Variants in ABI1 observed in about 807,000 individuals in gnomAD.
ABI1 encodes the protein Abelson interactor 1.
In ABI1, 14 loss-of-function variants were observed where a neutral mutation model predicts 54.6. The observed-to-expected ratio is 0.26, with a 90% CI of 0.17 to 0.40. ABI1 has a LOEUF of 0.40. ABI1 is among the 10% of genes least tolerant of loss of function. The probability of loss-of-function intolerance (pLI) is 1.00; values close to 1 mark genes in which losing one functional copy is unlikely to be tolerated. For missense variants in ABI1, 443 were observed against 598.3 expected (o/e 0.74, Z 2.71); for synonymous variants, 194 against 209.3 (o/e 0.93, Z 0.63).
intron 2 of ABI1, among the ~76,000 whole-genome samples, chr10:26,782,314 G>A (rs1303749274): frequency 4.0e-5 from 6 of 151,856 alleles, no homozygotes; most frequent in South Asian, 2.1e-4. Context: ...ATCTTATATC[G>A]CTTAGTACTG....
chr10:26,846,436 A>G (rs10829104), intron 1 of ABI1, among the ~76,000 whole-genome samples: 48,622 of 149,626 alleles, frequency 0.32, 8,378 homozygotes, highest in East Asian at 0.54. Flanking sequence ...TCCGCCTCCC[A>G]GGTTCAAGTG....
intron 7 of ABI1, 49 bp from the exon 8 acceptor site, chr10:26,759,287 A>C (rs762328466): frequency 6.3e-7 from 1 of 1,578,570 alleles, no homozygotes; most frequent in Non-Finnish European, 8.6e-7. Flanking sequence ...TGAGCATTGT[A>C]ATCACCTTAG....
At position 26,860,701 on chromosome 10, in the gene ABI1, G is replaced by T. The variant is rs750482506; in HGVS notation, c.117+46C>A. ...CGCCCAGTGGGCTGGTCACTCCGGCGGGTCCTCGACCCGGCCAGCGCCCGC... is the reference window on the plus strand; with the variant it reads ...CGCCCAGTGGGCTGGTCACTCCGGCTGGTCCTCGACCCGGCCAGCGCCCGC... On this transcript the variant is annotated intron_variant, in intron 1 of 10. Coordinates refer to ENST00000376140, the MANE Select transcript of ABI1 (RefSeq NM_001012750.3). The surrounding 1 kb of genome is among the most constrained non-coding windows in gnomAD (Gnocchi z 4.1). 4.0e-6 allele frequency: 6 copies of T among 1,495,484 alleles called. No homozygotes were observed. The African/African-American group carries it at 8.3e-5, about 21-fold the overall frequency. The allele number at this position is 1,495,484 out of a possible 1,614,324, so 92.6% of individuals were successfully genotyped here.
chr10:26,763,402 C>T (rs1227243193), intron 7 of ABI1, among the ~76,000 whole-genome samples: 1 of 152,108 alleles, frequency 6.6e-6, no homozygotes, highest in African/African-American at 2.4e-5. Context: ...TTCATGGCAT[C>T]CTGAGATGTC....
intron 6 of ABI1, 34 bp downstream of exon 6, chr10:26,768,818 T>G: frequency 6.3e-7 from 1 of 1,591,894 alleles, no homozygotes; most frequent in East Asian, 2.3e-5. Flanking sequence ...ACACCCACTT[T>G]AGAGATGTTG....
intron 1 of ABI1, among the ~76,000 whole-genome samples, chr10:26,858,550 A>C (rs995854899): frequency 1.9e-3 from 273 of 144,870 alleles, no homozygotes; most frequent in African/African-American, 6.1e-3. Flanking sequence ...AAAAAAAAAA[A>C]AAAAAAAAAA....
rs1258175278 is a variant in ABI1, at chr10:26,759,229, C to T, written c.830G>A (p.Gly277Asp). 14 of 1,613,532 alleles carry T rather than the reference C, an allele frequency of 8.7e-6. No individual in the cohort carries two copies. Among genetic ancestry groups the T allele is most frequent in the Non-Finnish European group, 1.2e-5 (14 of 1,179,792 alleles). Residue 277 changes from glycine to aspartate, a missense_variant, in exon 8 of 11, where the codon GGC (glycine) becomes GAC (aspartate). Physicochemically the swap from Gly to Asp is moderately conservative, Grantham distance 94 (BLOSUM62 -1). Transcript: ENST00000376140. ...SPPTIGPAAP[G>D]SAPGSQYGTM... Reference sequence around the variant, plus strand: ...GCCATACTGGGAACCAGGAGCTGAGCCCGGGGCTGCTGAAAAGCATTAGTC... The same window carrying T: ...GCCATACTGGGAACCAGGAGCTGAGTCCGGGGCTGCTGAAAAGCATTAGTC...
chr10:26,795,839 A>C (rs933204459), intron 2 of ABI1, among the ~76,000 whole-genome samples: 1 of 152,224 alleles, frequency 6.6e-6, no homozygotes, highest in Non-Finnish European at 1.5e-5. Context: ...ATACAGATTT[A>C]ACCCAATCCC....
intron 2 of ABI1, among the ~76,000 whole-genome samples, chr10:26,806,806 G>GT (rs1298725278): frequency 6.6e-6 from 1 of 152,082 alleles, no homozygotes; most frequent in Non-Finnish European, 1.5e-5. Flanking sequence ...TAACAAACTG[G>GT]TAAGTGCCAG....
chr10:26,800,911 C>T (rs2046509213), intron 2 of ABI1, among the ~76,000 whole-genome samples: 1 of 152,156 alleles, frequency 6.6e-6, no homozygotes, highest in Non-Finnish European at 1.5e-5. Context: ...GAGGCTGAGG[C>T]GGGAGAATCA....
At chr10:26,776,211 G>A (rs1289015681) in intron 3 of ABI1, among the ~76,000 whole-genome samples, 1 of 152,188 alleles carries the variant, frequency 6.6e-6, no homozygotes, top group Non-Finnish European at 1.5e-5. Context: ...AATGCTGTCA[G>A]CTATACTCCT....
At chr10:26,808,380 G>A (rs950606011) in intron 2 of ABI1, among the ~76,000 whole-genome samples, 2 of 152,146 alleles carry the variant, frequency 1.3e-5, no homozygotes, top group Non-Finnish European at 2.9e-5. Flanking sequence ...GACCCCATAA[G>A]GGTGATGGTT....
intron 2 of ABI1, among the ~76,000 whole-genome samples, chr10:26,778,142 G>C (rs1032949662): frequency 3.3e-5 from 5 of 152,124 alleles, no homozygotes; most frequent in African/African-American, 1.2e-4. Flanking sequence ...AATGGTAAGA[G>C]CAGATATAAA....
intron 2 of ABI1, among the ~76,000 whole-genome samples, chr10:26,796,106 A>G (rs1016433285): frequency 6.6e-6 from 1 of 152,038 alleles, no homozygotes; most frequent in African/African-American, 2.4e-5. Flanking sequence ...AAAATAAAAG[A>G]GCTCAAATAC....
chr10:26,836,297 G>C (rs1019914056), intron 1 of ABI1, among the ~76,000 whole-genome samples: 7 of 151,332 alleles, frequency 4.6e-5, no homozygotes, highest in African/African-American at 1.7e-4. Context: ...ATTTTTAGTA[G>C]AGACAGGGTT....
intron 2 of ABI1, among the ~76,000 whole-genome samples, chr10:26,808,908 G>A (rs1179525886): frequency 6.6e-6 from 1 of 152,024 alleles, no homozygotes; most frequent in Non-Finnish European, 1.5e-5. Context: ...AGGACGGGGA[G>A]ACAGACAGAC....
At chr10:26,774,311 T>TA (rs1841111544) in intron 3 of ABI1, among the ~76,000 whole-genome samples, 1 of 152,176 alleles carries the variant, frequency 6.6e-6, no homozygotes, top group South Asian at 2.1e-4. Flanking sequence ...GATGCAAACT[T>TA]AGAGATACAA....
intron 2 of ABI1, among the ~76,000 whole-genome samples, chr10:26,796,000 G>A (rs1358787069): frequency 6.6e-6 from 1 of 151,866 alleles, no homozygotes; most frequent in African/African-American, 2.4e-5. Context: ...TAAAATAAAA[G>A]AGCTCAAAAG....
At chr10:26,809,918 T>C (rs2047122068) in intron 2 of ABI1, among the ~76,000 whole-genome samples, 1 of 152,208 alleles carries the variant, frequency 6.6e-6, no homozygotes, top group South Asian at 2.1e-4. Context: ...TTGCCCTGTG[T>C]GTCTCTTCAT....
Sources: allele counts gnomAD v4.1 joint callset (sites outside exome capture counted in the v4.1 genomes callset), GRCh38; gene constraint gnomAD v4.1.1; non-coding constraint Gnocchi (gnomAD v3.1); transcripts MANE v1.5; gene names NCBI Gene and HGNC (gene_info 2026-07-23, HGNC 2026-07-21).